The following FRMD6 variants were observed in gnomAD, a reference collection of about 807,000 sequenced individuals.
The protein encoded by FRMD6 is FERM domain containing 6.
FRMD6 carries 37 observed loss-of-function variants against 73.2 expected under a neutral mutation model. The observed-to-expected ratio is 0.51, with a 90% confidence interval of 0.39 to 0.66. The LOEUF is 0.66. Among genes scored for constraint, FRMD6 ranks in the 30% least tolerant of loss-of-function variants. FRMD6 has a pLI of 0.00. For missense variants in FRMD6, 714 were observed against 780.5 expected (o/e 0.91, Z 1.02); for synonymous variants, 273 against 282.2 (o/e 0.97, Z 0.33).
intron 1 of FRMD6, among the ~76,000 whole-genome samples, chr14:51,505,080 G>A (rs1883876685): frequency 6.6e-6 from 1 of 152,126 alleles, no homozygotes; most frequent in African/African-American, 2.4e-5. Flanking sequence ...TCTCCAATGG[G>A]GAAGCAGAAT....
chr14:51,495,379 T>C (rs1465545966), intron 1 of FRMD6, among the ~76,000 whole-genome samples: 1 of 152,186 alleles, frequency 6.6e-6, no homozygotes, highest in Non-Finnish European at 1.5e-5. Flanking sequence ...AGAATCACTT[T>C]TAAGGGTCTA....
the FRMD6 span, among the ~76,000 whole-genome samples, chr14:51,410,784 A>G: frequency 6.6e-6 from 1 of 152,210 alleles, no homozygotes; most frequent in Non-Finnish European, 1.5e-5. Flanking sequence ...ATTATTTTGT[A>G]CATGCTCTTT....
chr14:51,629,649 G>A (rs1272949641), intron 2 of FRMD6, among the ~76,000 whole-genome samples: 1 of 152,154 alleles, frequency 6.6e-6, no homozygotes, highest in Non-Finnish European at 1.5e-5. Context: ...GGGATGCTTA[G>A]TTTCTTGTGT....
At chr14:51,678,716 C>T (rs1003260533) in intron 1 of FRMD6, among the ~76,000 whole-genome samples, 8 of 152,138 alleles carry the variant, frequency 5.3e-5, no homozygotes, top group African/African-American at 1.9e-4. Flanking sequence ...TCCAGTCCTC[C>T]ATGGGGAGCA....
At chr14:51,424,235 A>C in the FRMD6 span, among the ~76,000 whole-genome samples, 1 of 152,176 alleles carries the variant, frequency 6.6e-6, no homozygotes, top group African/African-American at 2.4e-5. Flanking sequence ...CACCGATGAG[A>C]TCAGCAGAAA....
chr14:51,485,953 A>G (rs1284621470), upstream of FRMD6, among the ~76,000 whole-genome samples: 1 of 151,946 alleles, frequency 6.6e-6, no homozygotes, highest in East Asian at 1.9e-4. Flanking sequence ...AGAATCCCAG[A>G]CCTGATTGTT....
chr14:51,714,745 C>T (rs1284266798), intron 9 of FRMD6: 1 of 152,160 alleles, frequency 6.6e-6, no homozygotes, highest in Non-Finnish European at 1.5e-5. Flanking sequence ...CTATATAACT[C>T]CTTATTTATT....
At chr14:51,546,715 G>A (rs1279826561) in intron 1 of FRMD6, 4 of 151,746 alleles carry the variant, frequency 2.6e-5, no homozygotes, top group Non-Finnish European at 5.9e-5. Context: ...GGCAACTCAT[G>A]TATACATGTA....
chr14:51,665,310 G>A (rs1418486648), intron 1 of FRMD6, among the ~76,000 whole-genome samples: 4 of 152,148 alleles, frequency 2.6e-5, no homozygotes, highest in South Asian at 2.1e-4. Flanking sequence ...TCAACATTGG[G>A]ACCAAGCTGT....
At chr14:51,407,950 G>A in the FRMD6 span, among the ~76,000 whole-genome samples, 3 of 152,112 alleles carry the variant, frequency 2.0e-5, no homozygotes, top group Non-Finnish European at 2.9e-5. Flanking sequence ...AAATTTATGG[G>A]CATAAACTCT....
At chr14:51,603,419 G>C (rs578050075) in intron 2 of FRMD6, among the ~76,000 whole-genome samples, 1 of 152,172 alleles carries the variant, frequency 6.6e-6, no homozygotes, top group African/African-American at 2.4e-5. Flanking sequence ...TTGTATCTGA[G>C]TGGTGGATTG....
At chr14:51,713,646 G>A (rs1364891249) in intron 9 of FRMD6, 1 of 152,116 alleles carries the variant, frequency 6.6e-6, no homozygotes, top group East Asian at 1.9e-4. Flanking sequence ...CAAATAGAAT[G>A]TGGGCATTGA....
rs192327120 is a variant in FRMD6, at chr14:51,652,666, G to A, written c.-147+670G>A. 6.2e-3 allele frequency among the ~76,000 whole-genome samples: 950 copies of A among 152,354 alleles called. 10 individuals are homozygous for A. The highest frequency in any genetic ancestry group is 8.5e-3 in the South Asian group (41 of 4,826). On this transcript the variant is annotated intron_variant, in intron 1 of 13. Transcript: ENST00000344768. ...AGATCGGCGCCAGACGGGGGCCTGG[G>A]TGAGATACGAGTTGGGGGTGCGGCC...
At chr14:51,472,858 C>A in the FRMD6 span, among the ~76,000 whole-genome samples, 2 of 152,160 alleles carry the variant, frequency 1.3e-5, no homozygotes, top group African/African-American at 4.8e-5. Flanking sequence ...CAAGTTAATC[C>A]CCAAGGCTGT....
Position 51,668,634 on chromosome 14 carries a change from G to A in FRMD6, c.-147+16638G>A, listed in dbSNP as rs370609136. Among the ~76,000 whole-genome samples, 29 of 149,556 alleles carry A rather than the reference G, an allele frequency of 1.9e-4. No individual in the cohort carries two copies. In the East Asian group the frequency reaches 3.1e-3, roughly 16 times the overall value. ...AACTTTGTAATCTTAAAATTAGAAT[G>A]CAGGAGGCTGTGAAGCTCGAATGAA... On this transcript the variant is annotated intron_variant, in intron 1 of 13. Coordinates refer to ENST00000344768, the MANE Select transcript of FRMD6 (RefSeq NM_001267046.2).
chr14:51,471,500 CG>C, the FRMD6 span, among the ~76,000 whole-genome samples: 5 of 120,172 alleles, frequency 4.2e-5, no homozygotes, highest in African/African-American at 1.3e-4. Flanking sequence ...GACTCCGTCT[CG>C]AAAAAAAAAA....
chr14:51,399,933 T>G, the FRMD6 span, among the ~76,000 whole-genome samples: 7 of 151,628 alleles, frequency 4.6e-5, no homozygotes, highest in African/African-American at 1.7e-4. Context: ...CAGAGAATGT[T>G]GTTTTTTTTT....
chr14:51,462,246 G>A, the FRMD6 span, among the ~76,000 whole-genome samples: 3 of 152,246 alleles, frequency 2.0e-5, no homozygotes, highest in Admixed American at 1.3e-4. Flanking sequence ...ATCCAGTCAT[G>A]TGACATTGCT....
At chr14:51,602,283 G>A (rs184768395) in intron 2 of FRMD6, among the ~76,000 whole-genome samples, 90 of 152,316 alleles carry the variant, frequency 5.9e-4, no homozygotes, top group Middle Eastern at 3.4e-3. Context: ...GTATGTGTGT[G>A]TGTAAATCCA....
Sources: gnomAD v4.1 joint callset for allele counts (sites outside exome capture counted in the v4.1 genomes callset) on GRCh38, gnomAD v4.1.1 for gene constraint, MANE v1.5 for transcripts, NCBI Gene and HGNC (gene_info 2026-07-23, HGNC 2026-07-21) for gene names.